The following GRIK1 variants were observed in gnomAD, a reference collection of about 807,000 sequenced individuals.
GRIK1 encodes glutamate receptor ionotropic, kainate 1.
Under a neutral mutation model 105.7 loss-of-function variants are expected in GRIK1, and 69 were observed. That is an observed-to-expected ratio of 0.65 (90% CI 0.54 to 0.80). The LOEUF (loss-of-function observed/expected upper bound fraction) is 0.80, where lower values mean the gene tolerates loss of function less well. Among genes scored for constraint, GRIK1 ranks in the 30% least tolerant of loss-of-function variants. The pLI, the probability that GRIK1 is intolerant of heterozygous loss-of-function variation, is 0.00. For synonymous variants in GRIK1, 438 were observed against 431.3 expected (o/e 1.02, Z -0.19); for missense variants, 1,109 against 1,167.3 (o/e 0.95, Z 0.73).
At chr21:29,790,345 C>A (rs1023384145) in intron 1 of GRIK1, among the ~76,000 whole-genome samples, 1 of 152,124 alleles carries the variant, frequency 6.6e-6, no homozygotes, top group Non-Finnish European at 1.5e-5. Flanking sequence ...CCTCGCCTGG[C>A]CAAGTCCCCT....
At chr21:29,569,898 G>A (rs1601143274) in intron 14 of GRIK1, among the ~76,000 whole-genome samples, 1 of 152,296 alleles carries the variant, frequency 6.6e-6, no homozygotes, top group East Asian at 1.9e-4. Flanking sequence ...GGAATTGGCT[G>A]TCATTGTTGT....
intron 9 of GRIK1, among the ~76,000 whole-genome samples, chr21:29,593,929 T>C (rs1476047337): frequency 6.6e-6 from 1 of 152,244 alleles, no homozygotes; most frequent in African/African-American, 2.4e-5. Flanking sequence ...AAGAGATCAT[T>C]GCTGCTGCCA....
intron 1 of GRIK1, among the ~76,000 whole-genome samples, chr21:29,697,928 C>G (rs9977506): frequency 2.7e-5 from 4 of 145,864 alleles, no homozygotes; most frequent in Admixed American, 6.9e-5. Context: ...CTCTCTCTCT[C>G]TCTTTCTTTC....
intron 1 of GRIK1, among the ~76,000 whole-genome samples, chr21:29,912,514 A>T (rs2070854457): frequency 6.6e-6 from 1 of 152,092 alleles, no homozygotes; most frequent in Non-Finnish European, 1.5e-5. Flanking sequence ...TTTATTCTCC[A>T]AAATAAACCT....
At chr21:29,840,518 C>A (rs1307604038) in intron 1 of GRIK1, among the ~76,000 whole-genome samples, 2 of 151,976 alleles carry the variant, frequency 1.3e-5, no homozygotes, top group Non-Finnish European at 1.5e-5. Context: ...CACTGGAATC[C>A]CTGAAATACC....
intron 1 of GRIK1, among the ~76,000 whole-genome samples, chr21:29,708,315 T>C (rs2063965309): frequency 6.6e-6 from 1 of 152,216 alleles, no homozygotes; most frequent in Admixed American, 6.5e-5. Flanking sequence ...CTTTTTTATA[T>C]CCTGAGATAT....
intron 3 of GRIK1, among the ~76,000 whole-genome samples, chr21:29,683,441 G>A (rs1363225744): frequency 1.3e-5 from 2 of 152,214 alleles, no homozygotes; most frequent in Non-Finnish European, 2.9e-5. Context: ...ATACTATGCA[G>A]CTATAAAAAA....
At chr21:29,659,862 T>G (rs1210099604) in intron 4 of GRIK1, among the ~76,000 whole-genome samples, 1 of 152,082 alleles carries the variant, frequency 6.6e-6, no homozygotes, top group Non-Finnish European at 1.5e-5. Context: ...CTCGGGAGGC[T>G]GAGGCAGGAG....
intron 16 of GRIK1, among the ~76,000 whole-genome samples, chr21:29,541,816 C>T (rs2089977618): frequency 1.4e-5 from 1 of 69,664 alleles, no homozygotes; most frequent in South Asian, 5.9e-4. Context: ...TTGTATTGTG[C>T]TTTATACATA....
intron 1 of GRIK1, among the ~76,000 whole-genome samples, chr21:29,909,631 A>G (rs1376609574): frequency 6.6e-6 from 1 of 152,180 alleles, no homozygotes; most frequent in Non-Finnish European, 1.5e-5. Context: ...AACCTAAGCT[A>G]AGCAGTAATA....
Position 29,888,197 on chromosome 21 carries a change from C to CTTTCTTTCTTTCTTTCTTTCTTTCTT in GRIK1, c.118+51185_118+51186insAAGAAAGAAAGAAAGAAAGAAAGAAA, listed in dbSNP as rs59241719. 2.1e-3 allele frequency among the ~76,000 whole-genome samples: 47 copies of CTTTCTTTCTTTCTTTCTTTCTTTCTT among 22,326 alleles called. 1 individual carries two copies. The highest frequency in any genetic ancestry group is 5.4e-3 in the Admixed American group (7 of 1,308). 14.6% of individuals were successfully genotyped at this position (22,326 alleles called of 152,430 possible). ...TCTTTCTTTCTTCCTTTCTTTCTTT[C>CTTTCTTTCTTTCTTTCTTTCTTTCTT]TCTCTCTCTCTCTCTCTCTCTCTCT... On this transcript the variant is annotated intron_variant, in intron 1 of 17. Coordinates refer to ENST00000327783, the MANE Select transcript of GRIK1 (RefSeq NM_001330994.2).
intron 8 of GRIK1, among the ~76,000 whole-genome samples, chr21:29,598,137 A>T (rs2061452285): frequency 6.6e-6 from 1 of 152,234 alleles, no homozygotes. Flanking sequence ...AGTCATGAAT[A>T]TTAAAATTGG....
chr21:29,738,624 A>C (rs2064853714), intron 1 of GRIK1, among the ~76,000 whole-genome samples: 1 of 152,252 alleles, frequency 6.6e-6, no homozygotes, highest in African/African-American at 2.4e-5. Context: ...TTTTTCTCTC[A>C]GATATGGTAG....
intron 1 of GRIK1, among the ~76,000 whole-genome samples, chr21:29,932,707 A>G (rs2071609592): frequency 6.6e-6 from 1 of 152,030 alleles, no homozygotes; most frequent in South Asian, 2.1e-4. Flanking sequence ...AATACAGTTG[A>G]TTTAGTTGGA....
intron 1 of GRIK1, among the ~76,000 whole-genome samples, chr21:29,881,898 A>G (rs1371421349): frequency 2.0e-5 from 3 of 152,126 alleles, no homozygotes; most frequent in African/African-American, 7.2e-5. Flanking sequence ...CAATTGACAC[A>G]TTTCCATTTT....
At chr21:29,688,151 T>C (rs917690196) in intron 3 of GRIK1, among the ~76,000 whole-genome samples, 1 of 152,250 alleles carries the variant, frequency 6.6e-6, no homozygotes, top group Non-Finnish European at 1.5e-5. Flanking sequence ...TATGGCTGCT[T>C]GTAGCTTATT....
chr21:29,696,149 A>G (rs2146744894), intron 1 of GRIK1, among the ~76,000 whole-genome samples: 1 of 152,354 alleles, frequency 6.6e-6, no homozygotes, highest in South Asian at 2.1e-4. Context: ...GTTTATAGTG[A>G]ATTATTTTGG....
chr21:29,934,349 G>A (rs2071673657), intron 1 of GRIK1, among the ~76,000 whole-genome samples: 1 of 152,094 alleles, frequency 6.6e-6, no homozygotes, highest in African/African-American at 2.4e-5. Flanking sequence ...TTTCCACTTA[G>A]TACACACAGT....
chr21:29,619,398 C>T (rs915598637), intron 7 of GRIK1, among the ~76,000 whole-genome samples: 5 of 151,992 alleles, frequency 3.3e-5, no homozygotes, highest in African/African-American at 1.2e-4. Flanking sequence ...GATTGTGCCA[C>T]TGCACTCCAG....
Sources: gnomAD v4.1 joint callset for allele counts (sites outside exome capture counted in the v4.1 genomes callset) on GRCh38, gnomAD v4.1.1 for gene constraint, MANE v1.5 for transcripts, NCBI Gene and HGNC (gene_info 2026-07-23, HGNC 2026-07-21) for gene names.